Variants in RAPGEF1 observed in about 807,000 individuals in gnomAD.
The protein encoded by RAPGEF1 is CRK SH3-binding GNRP.
A neutral mutation model predicts 143.3 loss-of-function variants in RAPGEF1; 33 were observed. The observed-to-expected ratio is 0.23, with a 90% CI of 0.17 to 0.31. The LOEUF (loss-of-function observed/expected upper bound fraction) is 0.31. RAPGEF1 is among the 10% of genes least tolerant of loss of function. The pLI, the probability that RAPGEF1 is intolerant of heterozygous loss-of-function variation, is 1.00. For missense variants in RAPGEF1, 1,199 were observed against 1,645.4 expected (o/e 0.73, Z 4.69); for synonymous variants, 629 against 676.5 (o/e 0.93, Z 1.09).
At chr9:131,606,700 T>C (rs1957174161) in intron 12 of RAPGEF1, among the ~76,000 whole-genome samples, 3 of 152,204 alleles carry the variant, frequency 2.0e-5, no homozygotes, top group Admixed American at 2.0e-4. Flanking sequence ...CCAGGCTCAC[T>C]GCAGCCTCGA....
chr9:131,588,674 T>C, intron 20 of RAPGEF1, 127 bp downstream of exon 20: 4 of 996,990 alleles, frequency 4.0e-6, no homozygotes, highest in Admixed American at 2.9e-5. Context: ...GGGCTGTTCC[T>C]GAGGCACCTC....
Position 131,739,754 on chromosome 9 carries a change from C to T in RAPGEF1, c.61+16G>A, listed in dbSNP as rs1375909554. 19 of 1,147,124 alleles carry T rather than the reference C, an allele frequency of 1.7e-5. No homozygotes were observed. The highest frequency in any genetic ancestry group is 4.0e-5 in the South Asian group (2 of 50,356). The allele number at this position is 1,147,124 out of a possible 1,614,324, so 71.1% of individuals were successfully genotyped here. A position where few individuals can be genotyped will look rare whatever the true frequency, so the allele number is the denominator to read the frequency against. On this transcript the variant is annotated intron_variant, in intron 1 of 26. Coordinates refer to ENST00000683357, the MANE Select transcript of RAPGEF1 (RefSeq NM_001377935.1). ...CGGGCCCGGCCGGAGGGAGCCGCCC[C>T]ACGCCCGCGCCTCACCTGCTTTCTC...
intron 1 of RAPGEF1, among the ~76,000 whole-genome samples, chr9:131,697,428 T>A (rs141396851): frequency 6.6e-6 from 1 of 152,238 alleles, no homozygotes; most frequent in Non-Finnish European, 1.5e-5. Context: ...CTTTCCTAAA[T>A]GAGCGAAGTG....
At chr9:131,646,429 G>A (rs1287618207) in intron 3 of RAPGEF1, among the ~76,000 whole-genome samples, 1 of 152,210 alleles carries the variant, frequency 6.6e-6, no homozygotes, top group Non-Finnish European at 1.5e-5. Context: ...CTAAGACCCC[G>A]ATGGCAGAGA....
intron 13 of RAPGEF1, 106 bp from the exon 14 acceptor site, chr9:131,604,159 C>G (rs1384208668): frequency 1.6e-6 from 1 of 631,390 alleles, no homozygotes; most frequent in Admixed American, 2.8e-5. Flanking sequence ...TTCCCAGGTG[C>G]AGAGAGCAAA....
chr9:131,631,630 C>A (rs2133100709), intron 5 of RAPGEF1, among the ~76,000 whole-genome samples: 1 of 152,350 alleles, frequency 6.6e-6, no homozygotes, highest in Admixed American at 6.5e-5. Context: ...GTGGGCAACA[C>A]AGTAACCAGA....
Position 131,641,416 on chromosome 9 carries a change from C to A in RAPGEF1, c.494+1823G>T, listed in dbSNP as rs781112729. ...TTGTTCTCCTGCCCCCACTGCCAAT[C>A]CAACTGCTGCTTTCCCTCAGGTCGG... is the stretch of plus-strand genomic sequence containing the variant. On this transcript the variant is annotated intron_variant, in intron 4 of 26. Coordinates refer to ENST00000683357, the MANE Select transcript of RAPGEF1 (RefSeq NM_001377935.1). The surrounding 1 kb of genome is among the most constrained non-coding windows in gnomAD (Gnocchi z 4.6). Among the ~76,000 whole-genome samples, 4 of 152,198 alleles carry A rather than the reference C, an allele frequency of 2.6e-5. No homozygotes were observed. Among genetic ancestry groups the A allele is most frequent in the Non-Finnish European group, 5.9e-5 (4 of 68,036 alleles).
chr9:131,677,833 T>TG (rs1209335517), intron 1 of RAPGEF1, among the ~76,000 whole-genome samples: 1 of 152,178 alleles, frequency 6.6e-6, no homozygotes, highest in East Asian at 1.9e-4. Context: ...AGCTCGGCCT[T>TG]AACACGAGTC....
chr9:131,723,703 C>G (rs533095242), intron 1 of RAPGEF1, among the ~76,000 whole-genome samples: 1 of 152,324 alleles, frequency 6.6e-6, no homozygotes, highest in African/African-American at 2.4e-5. Context: ...TCACTTCCAT[C>G]TTTTGGCTGT....
intron 1 of RAPGEF1, among the ~76,000 whole-genome samples, chr9:131,697,921 A>G (rs1834314224): frequency 6.6e-6 from 1 of 152,190 alleles, no homozygotes; most frequent in South Asian, 2.1e-4. Context: ...GAGAGGGGCC[A>G]GGATAAAGGC....
intron 17 of RAPGEF1, among the ~76,000 whole-genome samples, chr9:131,595,120 C>G (rs574039120): frequency 1.3e-5 from 2 of 152,372 alleles, no homozygotes; most frequent in Admixed American, 6.5e-5. Flanking sequence ...ACCGTTCACC[C>G]CTTCAACAAG....
chr9:131,636,262 T>C (rs1281249104), intron 5 of RAPGEF1, among the ~76,000 whole-genome samples: 3 of 152,278 alleles, frequency 2.0e-5, no homozygotes, highest in Non-Finnish European at 4.4e-5. Context: ...TTGCCTGGCA[T>C]ATAGAAGGTT....
rs961004723 is a variant in RAPGEF1 at position 131,671,864 on chromosome 9, G to A, written c.62-20915C>T. Reference sequence around the variant, plus strand: ...TTACGATGCACAACCAACCCATTTAGCACTTCCCAAAATCAATGTCATAGA... The same window carrying A: ...TTACGATGCACAACCAACCCATTTAACACTTCCCAAAATCAATGTCATAGA... On this transcript the variant is annotated intron_variant, in intron 1 of 26. Coordinates refer to ENST00000683357, the MANE Select transcript of RAPGEF1 (RefSeq NM_001377935.1). Among the ~76,000 whole-genome samples the A allele has an allele frequency of 2.0e-5, 3 of 152,170 alleles. No individual in the cohort carries two copies. The East Asian group carries it at 5.8e-4, about 29-fold the overall frequency.
intron 1 of RAPGEF1, among the ~76,000 whole-genome samples, chr9:131,681,833 G>A (rs978220701): frequency 6.6e-6 from 1 of 152,132 alleles, no homozygotes; most frequent in African/African-American, 2.4e-5. Flanking sequence ...TTCCTTTAGT[G>A]CTACAAAAAC....
intron 10 of RAPGEF1, among the ~76,000 whole-genome samples, chr9:131,625,182 G>A (rs143319206): frequency 1.5e-3 from 235 of 152,320 alleles, no homozygotes; most frequent in African/African-American, 5.1e-3. Context: ...CAGCTGTGCT[G>A]CCAAGAAAAT....
chr9:131,708,930 G>A (rs1353473602), intron 1 of RAPGEF1, among the ~76,000 whole-genome samples: 5 of 152,220 alleles, frequency 3.3e-5, no homozygotes, highest in African/African-American at 4.8e-5. Context: ...ACGGGGTTTC[G>A]CCAGGTTGGC....
At chr9:131,732,949 G>A (rs1018525540) in intron 1 of RAPGEF1, among the ~76,000 whole-genome samples, 1 of 152,178 alleles carries the variant, frequency 6.6e-6, no homozygotes, top group Admixed American at 6.5e-5. Flanking sequence ...GATTTTGAAT[G>A]AGTGAAACAT....
At chr9:131,656,250 C>T (rs1219708301) in intron 1 of RAPGEF1, among the ~76,000 whole-genome samples, 1 of 152,218 alleles carries the variant, frequency 6.6e-6, no homozygotes, top group Non-Finnish European at 1.5e-5. Context: ...TAAATGCCCA[C>T]TCTTCTCTTC....
At chr9:131,715,587 C>T (rs990030045) in intron 1 of RAPGEF1, among the ~76,000 whole-genome samples, 18 of 151,996 alleles carry the variant, frequency 1.2e-4, no homozygotes, top group African/African-American at 2.4e-4. Flanking sequence ...TGGCCGGGCA[C>T]GGTGGCTCAC....
Sources: gnomAD v4.1 joint callset for allele counts (sites outside exome capture counted in the v4.1 genomes callset) on GRCh38, gnomAD v4.1.1 for gene constraint, Gnocchi (gnomAD v3.1) non-coding constraint, MANE v1.5 for transcripts, NCBI Gene and HGNC (gene_info 2026-07-23, HGNC 2026-07-21) for gene names.